The following ESRRG variants were observed in gnomAD, a reference collection of about 807,000 sequenced individuals.
The protein encoded by ESRRG is estrogen-related receptor gamma.
A neutral mutation model predicts 44.0 loss-of-function variants in ESRRG; 13 were observed. The ratio of observed to expected loss-of-function variants is 0.30; its 90% confidence interval spans 0.19 to 0.47. The LOEUF (loss-of-function observed/expected upper bound fraction) is 0.47, where lower values mean the gene tolerates loss of function less well. Among genes scored for constraint, ESRRG ranks in the 20% least tolerant of loss-of-function variants. The pLI, the probability that ESRRG is intolerant of heterozygous loss-of-function variation, is 1.00. For synonymous variants in ESRRG, 215 were observed against 214.6 expected (o/e 1.00, Z -0.02); for missense variants, 395 against 580.6 (o/e 0.68, Z 3.29).
intron 2 of ESRRG, among the ~76,000 whole-genome samples, chr1:216,662,113 A>G (rs2151244613): frequency 6.6e-6 from 1 of 152,248 alleles, no homozygotes; most frequent in Non-Finnish European, 1.5e-5. Context: ...GTGAGTATTG[A>G]TTATAATATT....
intron 5 of ESRRG, among the ~76,000 whole-genome samples, chr1:216,557,032 T>C (rs1241491421): frequency 2.0e-5 from 3 of 152,154 alleles, no homozygotes; most frequent in East Asian, 1.9e-4. Flanking sequence ...ATCAGATTAA[T>C]TGCCCAGTGA....
intron 2 of ESRRG, among the ~76,000 whole-genome samples, chr1:216,830,668 T>C (rs768137403): frequency 6.6e-6 from 1 of 152,110 alleles, no homozygotes; most frequent in African/African-American, 2.4e-5. Context: ...ATTTGAGCCA[T>C]GTCTCTTGAG....
At chr1:216,850,915 T>A (rs557904935) in intron 2 of ESRRG, among the ~76,000 whole-genome samples, 1 of 151,860 alleles carries the variant, frequency 6.6e-6, no homozygotes, top group South Asian at 2.1e-4. Flanking sequence ...TTATCAAGGC[T>A]GTCATGTAAA....
chr1:216,915,450 G>A (rs909331146), intron 2 of ESRRG, among the ~76,000 whole-genome samples: 1 of 152,064 alleles, frequency 6.6e-6, no homozygotes, highest in Non-Finnish European at 1.5e-5. Flanking sequence ...GGGTGGAGAG[G>A]AAGAAGGGAG....
At chr1:216,721,200 T>C (rs1326628097) in intron 1 of ESRRG, among the ~76,000 whole-genome samples, 1 of 152,232 alleles carries the variant, frequency 6.6e-6, no homozygotes, top group African/African-American at 2.4e-5. Context: ...GCTCTCTTAA[T>C]GGTGGTCAAT....
rs142754809 is a variant in ESRRG at position 216,606,277 on chromosome 1, A to G, written c.590-38179T>C. ...GACTGATTGGAGCTGTGATATGTTTAGACAATGCACTGTATTTAACTGAAT... is the reference window on the plus strand; with the variant it reads ...GACTGATTGGAGCTGTGATATGTTTGGACAATGCACTGTATTTAACTGAAT... On this transcript the variant is annotated intron_variant, in intron 3 of 6. Coordinates refer to ENST00000408911, the MANE Select transcript of ESRRG (RefSeq NM_001438.4). Among the ~76,000 whole-genome samples, 8 of 152,324 alleles carry G rather than the reference A, an allele frequency of 5.3e-5. 1 individual carries two copies. Among genetic ancestry groups the G allele is most frequent in the African/African-American group, 1.9e-4 (8 of 41,570 alleles).
intron 2 of ESRRG, among the ~76,000 whole-genome samples, chr1:216,764,139 TC>T (rs2152357027): frequency 6.6e-6 from 1 of 152,084 alleles, no homozygotes; most frequent in African/African-American, 2.4e-5. Flanking sequence ...TTGGATTAAA[TC>T]TGCAAATCTG....
chr1:217,119,602 GT>G (rs1246628634), intron 1 of ESRRG, among the ~76,000 whole-genome samples: 1 of 152,152 alleles, frequency 6.6e-6, no homozygotes, highest in African/African-American at 2.4e-5. Context: ...GGCATAGTTT[GT>G]TTTTCTAGCA....
intron 1 of ESRRG, among the ~76,000 whole-genome samples, chr1:216,694,998 A>G (rs1197317846): frequency 6.6e-6 from 1 of 152,128 alleles, no homozygotes; most frequent in Non-Finnish European, 1.5e-5. Flanking sequence ...CAGCCCAACT[A>G]TGAAGCTATT....
chr1:217,021,049 T>TAC (rs10655764), intron 1 of ESRRG, among the ~76,000 whole-genome samples: 51,293 of 145,278 alleles, frequency 0.35, 9,855 homozygotes, highest in East Asian at 0.57. Context: ...CTGCCATGCA[T>TAC]ACACACACAC....
intron 2 of ESRRG, among the ~76,000 whole-genome samples, chr1:216,653,833 G>A (rs1489498653): frequency 6.6e-6 from 1 of 152,032 alleles, no homozygotes; most frequent in Admixed American, 6.6e-5. Flanking sequence ...AACCATCCAA[G>A]CCAGGTGCAG....
chr1:216,555,224 A>G (rs1263264442), intron 5 of ESRRG, among the ~76,000 whole-genome samples: 2 of 152,218 alleles, frequency 1.3e-5, no homozygotes, highest in Admixed American at 6.5e-5. Context: ...GCAAAGGTAC[A>G]TGGCTTTTCT....
intron 1 of ESRRG, among the ~76,000 whole-genome samples, chr1:217,011,773 C>T (rs938319082): frequency 1.3e-5 from 2 of 152,258 alleles, no homozygotes; most frequent in African/African-American, 2.4e-5. Context: ...CTTCAGGCTG[C>T]GATTGCCTTC....
intron 1 of ESRRG, among the ~76,000 whole-genome samples, chr1:216,989,610 G>C (rs2075382002): frequency 6.6e-6 from 1 of 151,980 alleles, no homozygotes. Flanking sequence ...TTTAAATATA[G>C]CCCCAAATTT....
At chr1:217,004,109 A>G (rs1461235740) in intron 1 of ESRRG, among the ~76,000 whole-genome samples, 2 of 152,118 alleles carry the variant, frequency 1.3e-5, no homozygotes, top group African/African-American at 4.8e-5. Context: ...GTGTTATTAA[A>G]CAATGTTTAC....
At chr1:216,973,559 G>T (rs1423406185) in intron 1 of ESRRG, among the ~76,000 whole-genome samples, 1 of 152,134 alleles carries the variant, frequency 6.6e-6, no homozygotes, top group African/African-American at 2.4e-5. Flanking sequence ...ATGAGCAATG[G>T]CTCATGCCTG....
rs574177999 is a variant in ESRRG at position 217,047,355 on chromosome 1, A to T, written c.-106+42152T>A. 5.3e-5 allele frequency among the ~76,000 whole-genome samples: 8 copies of T among 152,234 alleles called. No homozygotes were observed. In the East Asian group the frequency reaches 1.5e-3, roughly 29 times the overall value. On this transcript the variant is annotated intron_variant, in intron 1 of 7. Transcript: ENST00000359162. The stretch of plus-strand genomic sequence containing the variant: ...AATCCTCCCAACCAATTCTTTTTCC[A>T]GTGTTTTGCATCTTGGTAAATGGCA...
At chr1:216,678,686 A>G (rs971941378) in intron 1 of ESRRG, among the ~76,000 whole-genome samples, 3 of 152,202 alleles carry the variant, frequency 2.0e-5, no homozygotes, top group Admixed American at 6.5e-5. Flanking sequence ...AACCTCGTTT[A>G]GCAAAATGTC....
intron 1 of ESRRG, among the ~76,000 whole-genome samples, chr1:217,016,491 T>C (rs1165001994): frequency 6.6e-6 from 1 of 152,130 alleles, no homozygotes. Context: ...TTATTATTAT[T>C]GTTTTCATCT....
Sources: gnomAD v4.1 joint callset for allele counts (sites outside exome capture counted in the v4.1 genomes callset) on GRCh38, gnomAD v4.1.1 for gene constraint, MANE v1.5 for transcripts, NCBI Gene and HGNC (gene_info 2026-07-23, HGNC 2026-07-21) for gene names.